The following GFOD1 variants were observed in gnomAD, a reference collection of about 807,000 sequenced individuals.
GFOD1 encodes Gfo/Idh/MocA-like oxidoreductase domain containing 1.
A neutral mutation model predicts 25.4 loss-of-function variants in GFOD1; 9 were observed. That is an observed-to-expected ratio of 0.35 (90% CI 0.21 to 0.62). The LOEUF (loss-of-function observed/expected upper bound fraction) is 0.62. Ranked by LOEUF, GFOD1 falls within the 20% of genes least tolerant of loss-of-function variation. The pLI is 0.72. For missense variants in GFOD1, 403 were observed against 556.9 expected (o/e 0.72, Z 2.78); for synonymous variants, 253 against 245.6 (o/e 1.03, Z -0.28).
At chr6:13,446,705 G>A (rs1489794149) in intron 1 of GFOD1, among the ~76,000 whole-genome samples, 1 of 152,200 alleles carries the variant, frequency 6.6e-6, no homozygotes, top group Non-Finnish European at 1.5e-5. Flanking sequence ...CTACAGCAAG[G>A]GGAGCCTTGC....
intron 1 of GFOD1, among the ~76,000 whole-genome samples, chr6:13,379,373 C>A (rs1785314879): frequency 6.6e-6 from 1 of 152,148 alleles, no homozygotes; most frequent in African/African-American, 2.4e-5. Context: ...GCCATGGGCA[C>A]ACAGCCAGGC....
intron 1 of GFOD1, among the ~76,000 whole-genome samples, chr6:13,427,179 C>T (rs1033990608): frequency 6.6e-6 from 1 of 152,142 alleles, no homozygotes; most frequent in African/African-American, 2.4e-5. Context: ...CAGGATCATA[C>T]AGAGTCTTCC....
chr6:13,443,450 CAT>C (rs1757949751), intron 1 of GFOD1, among the ~76,000 whole-genome samples: 1 of 149,902 alleles, frequency 6.7e-6, no homozygotes, highest in South Asian at 2.2e-4. Context: ...AACAGTATCA[CAT>C]GATATTGAGA....
intron 1 of GFOD1, among the ~76,000 whole-genome samples, chr6:13,404,580 G>A (rs1047506231): frequency 1.3e-5 from 2 of 152,136 alleles, no homozygotes; most frequent in Admixed American, 1.3e-4. Flanking sequence ...GGTGTTACAA[G>A]AACTAAATGA....
chr6:13,442,577 G>C (rs765530882), intron 1 of GFOD1, among the ~76,000 whole-genome samples: 1 of 152,206 alleles, frequency 6.6e-6, no homozygotes, highest in Non-Finnish European at 1.5e-5. Context: ...TGACTTTCTT[G>C]TTAGGGGCCA....
intron 1 of GFOD1, among the ~76,000 whole-genome samples, chr6:13,429,694 A>T (rs545156810): frequency 6.6e-6 from 1 of 152,322 alleles, no homozygotes; most frequent in Admixed American, 6.5e-5. Flanking sequence ...AAATCAACTG[A>T]GTGGGTTGGC....
At chr6:13,381,128 G>T (rs1785355161) in intron 1 of GFOD1, among the ~76,000 whole-genome samples, 2 of 152,356 alleles carry the variant, frequency 1.3e-5, no homozygotes, top group South Asian at 4.1e-4. Context: ...CAGTCATGCT[G>T]CCCCTGGTGC....
chr6:13,422,110 CACAGG>C (rs1269628320), intron 1 of GFOD1, among the ~76,000 whole-genome samples: 2 of 152,252 alleles, frequency 1.3e-5, no homozygotes, highest in African/African-American at 4.8e-5. Flanking sequence ...CAAACACACA[CACAGG>C]ACAAGAACAC....
At chr6:13,379,177 A>G (rs1015817337) in intron 1 of GFOD1, among the ~76,000 whole-genome samples, 1 of 152,148 alleles carries the variant, frequency 6.6e-6, no homozygotes, top group African/African-American at 2.4e-5. Context: ...CAGTGCAATA[A>G]TTGAGTGTTT....
intron 1 of GFOD1, among the ~76,000 whole-genome samples, chr6:13,389,187 T>C (rs1458058351): frequency 6.6e-6 from 1 of 152,214 alleles, no homozygotes; most frequent in East Asian, 1.9e-4. Context: ...AGTTTAACCA[T>C]TGTGGAAGAC....
rs567408573 is a variant in GFOD1, at chr6:13,387,763, G to C, written c.254-22101C>G. On this transcript the variant is annotated intron_variant, in intron 1 of 1. Transcript: ENST00000379287. ...ATTCAACACAGTGTTGGAAGTTCTG[G>C]CCAGGGCATCAGGCAAGAAAAAGAA... is the stretch of plus-strand genomic sequence containing the variant. 2.4e-4 allele frequency among the ~76,000 whole-genome samples: 37 copies of C among 152,262 alleles called. No homozygotes were observed. In the South Asian group the frequency reaches 4.4e-3, roughly 18 times the overall value.
intron 1 of GFOD1, among the ~76,000 whole-genome samples, chr6:13,373,741 A>AACACACACACACACACACACACACACAC (rs10530031): frequency 7.7e-6 from 1 of 129,596 alleles, no homozygotes; most frequent in African/African-American, 3.0e-5. Context: ...CTGCTCCCCC[A>AACACACACACACACACACACACACACAC]ACACACACAC....
Position 13,358,617 on chromosome 6 carries a change from A to G in GFOD1, c.*6126T>C, listed in dbSNP as rs1784903252. 1 of 152,226 alleles carries G rather than the reference A, an allele frequency of 6.6e-6. No individual in the cohort carries two copies. The highest frequency in any genetic ancestry group is 1.5e-5 in the Non-Finnish European group (1 of 68,040). The allele number at this position is 152,226 out of a possible 1,614,324, so 9.4% of individuals were successfully genotyped here. On this transcript the variant is annotated 3_prime_UTR_variant, in exon 2 of 2. Transcript: ENST00000379287. Reference sequence around the variant, plus strand: ...GTTTTGTTTCTTAGCCTGGGATTAGACCAAGAATCACAAGTAAGTCATTGC... The same window carrying G: ...GTTTTGTTTCTTAGCCTGGGATTAGGCCAAGAATCACAAGTAAGTCATTGC...
At chr6:13,403,472 A>G (rs1785888773) in intron 1 of GFOD1, among the ~76,000 whole-genome samples, 1 of 152,202 alleles carries the variant, frequency 6.6e-6, no homozygotes, top group Admixed American at 6.5e-5. Flanking sequence ...GCTATATGGT[A>G]CAACCTATTG....
intron 1 of GFOD1, among the ~76,000 whole-genome samples, chr6:13,456,332 G>A (rs1296186504): frequency 4.0e-5 from 6 of 151,798 alleles, no homozygotes; most frequent in Non-Finnish European, 7.4e-5. Context: ...CCACCACCAC[G>A]CCCGGCTGAC....
At chr6:13,446,554 C>T (rs1386551939) in intron 1 of GFOD1, among the ~76,000 whole-genome samples, 1 of 152,176 alleles carries the variant, frequency 6.6e-6, no homozygotes, top group African/African-American at 2.4e-5. Context: ...CCAAGGGATA[C>T]ACCAGGCCCA....
chr6:13,417,239 C>T (rs1300221537), intron 1 of GFOD1, among the ~76,000 whole-genome samples: 3 of 152,170 alleles, frequency 2.0e-5, no homozygotes, highest in East Asian at 1.9e-4. Flanking sequence ...CTGCAAGCTC[C>T]GCTTCCCGGG....
intron 1 of GFOD1, among the ~76,000 whole-genome samples, chr6:13,378,635 G>GTCCT (rs1785301201): frequency 1.3e-5 from 2 of 152,182 alleles, no homozygotes; most frequent in Admixed American, 6.5e-5. Context: ...AATAAAGGAA[G>GTCCT]TCCTCCCAGG....
chr6:13,415,935 T>G (rs1786155885), intron 1 of GFOD1, among the ~76,000 whole-genome samples: 1 of 152,170 alleles, frequency 6.6e-6, no homozygotes, highest in Non-Finnish European at 1.5e-5. Context: ...CTCGAGGAAT[T>G]TAGGGTCTAG....
Sources: gnomAD v4.1 joint callset for allele counts (sites outside exome capture counted in the v4.1 genomes callset) on GRCh38, gnomAD v4.1.1 for gene constraint, MANE v1.5 for transcripts, NCBI Gene and HGNC (gene_info 2026-07-23, HGNC 2026-07-21) for gene names.